Variants in EPHA5 observed in about 807,000 individuals in gnomAD.
EPHA5 encodes EPH receptor A5, also known as ephrin type-A receptor 5.
Under a neutral mutation model 105.0 loss-of-function variants are expected in EPHA5, and 60 were observed. The observed-to-expected ratio is 0.57, with a 90% CI of 0.46 to 0.71. The LOEUF (loss-of-function observed/expected upper bound fraction) is 0.71. Ranked by LOEUF, EPHA5 falls within the 30% of genes least tolerant of loss-of-function variation. The pLI, the probability that EPHA5 is intolerant of heterozygous loss-of-function variation, is 0.00. For missense variants in EPHA5, 1,218 were observed against 1,274.7 expected, an observed-to-expected ratio of 0.96 and a Z score of 0.68; for synonymous variants, 513 against 449.1, an observed-to-expected ratio of 1.14 and a Z score of -1.80.
At chr4:65,330,500 T>C in intron 16 of EPHA5, 2 of 330,222 alleles carry the variant, frequency 6.1e-6, no homozygotes, top group Non-Finnish European at 8.7e-6. Context: ...GAAGCAAAAA[T>C]GTAGTAGATG....
chr4:65,574,488 T>C (rs1369208229), intron 3 of EPHA5, among the ~76,000 whole-genome samples: 2 of 149,110 alleles, frequency 1.3e-5, no homozygotes, highest in Non-Finnish European at 3.0e-5. Flanking sequence ...AATATTTGTG[T>C]AAATAAAAAT....
At chr4:65,557,258 A>ATATATATATATG (rs1297322719) in intron 3 of EPHA5, among the ~76,000 whole-genome samples, 2 of 145,118 alleles carry the variant, frequency 1.4e-5, no homozygotes, top group African/African-American at 5.0e-5. Flanking sequence ...ATATATATAT[A>ATATATATATATG]TTCTCACACT....
chr4:65,645,272 G>A (rs964654058), intron 1 of EPHA5, among the ~76,000 whole-genome samples: 4 of 152,022 alleles, frequency 2.6e-5, no homozygotes, highest in African/African-American at 9.7e-5. Context: ...AATACCAAGG[G>A]GTTGCAGAAC....
chr4:65,512,215 C>T (rs1733691867), intron 3 of EPHA5, among the ~76,000 whole-genome samples: 1 of 152,010 alleles, frequency 6.6e-6, no homozygotes, highest in Non-Finnish European at 1.5e-5. Context: ...GGTAAAAATG[C>T]ACCAAATTCA....
intron 13 of EPHA5, among the ~76,000 whole-genome samples, chr4:65,348,741 G>A (rs1205077600): frequency 2.2e-4 from 22 of 99,442 alleles, no homozygotes; most frequent in Admixed American, 1.9e-3. Flanking sequence ...GTATATATAT[G>A]TGTGTGCATA....
intron 6 of EPHA5, among the ~76,000 whole-genome samples, chr4:65,415,953 A>C (rs929954394): frequency 1.5e-4 from 23 of 152,066 alleles, no homozygotes; most frequent in African/African-American, 4.8e-4. Context: ...TTCTTAATGG[A>C]ATAAACCTGA....
At chr4:65,599,394 T>C (rs1016629018) in intron 3 of EPHA5, among the ~76,000 whole-genome samples, 1 of 150,576 alleles carries the variant, frequency 6.6e-6, no homozygotes, top group Non-Finnish European at 1.5e-5. Context: ...CATGTACTTA[T>C]TGTGTACAGA....
At chr4:65,660,417 C>T (rs1749456954) in intron 1 of EPHA5, among the ~76,000 whole-genome samples, 1 of 152,038 alleles carries the variant, frequency 6.6e-6, no homozygotes, top group Admixed American at 6.6e-5. Context: ...GTTTTCCAAG[C>T]CTAGATTCCT....
chr4:65,391,864 T>C (rs1325890066), intron 8 of EPHA5, among the ~76,000 whole-genome samples: 9 of 152,200 alleles, frequency 5.9e-5, no homozygotes, highest in Admixed American at 3.9e-4. Flanking sequence ...CATTTGATTC[T>C]TTACTTAAAT....
Position 65,320,065 on chromosome 4 carries a change from T to C in EPHA5, c.*4049A>G, listed in dbSNP as rs1472489579. ...CAGACTTTTTTTCTTTTAAAAGAAT[T>C]GGTATCTTCTTCTAAGCAATGATTA... is the stretch of plus-strand genomic sequence containing the variant. On this transcript the variant is annotated 3_prime_UTR_variant, in exon 17 of 17. Coordinates refer to ENST00000613740, the MANE Select transcript of EPHA5 (RefSeq NM_001281766.3). 1.3e-5 allele frequency: 3 copies of C among 230,290 alleles called. No individual in the cohort carries two copies. The highest frequency in any genetic ancestry group is 2.6e-5 in the Non-Finnish European group (3 of 116,168). The allele number at this position is 230,290 out of a possible 1,614,324, so 14.3% of individuals were successfully genotyped here.
intron 5 of EPHA5, among the ~76,000 whole-genome samples, chr4:65,444,081 T>C (rs867689272): frequency 1.3e-5 from 2 of 152,200 alleles, no homozygotes; most frequent in African/African-American, 4.8e-5. Flanking sequence ...TGTGTACTTA[T>C]ATAGTAATTT....
At chr4:65,639,158 G>A (rs1747418755) in intron 2 of EPHA5, among the ~76,000 whole-genome samples, 1 of 152,102 alleles carries the variant, frequency 6.6e-6, no homozygotes, top group South Asian at 2.1e-4. Context: ...TTTCCCTATG[G>A]AAATGAAGTA....
At chr4:65,458,014 C>T (rs1727765693) in intron 5 of EPHA5, among the ~76,000 whole-genome samples, 1 of 130,016 alleles carries the variant, frequency 7.7e-6, no homozygotes, top group African/African-American at 3.0e-5. Flanking sequence ...GCGGAACTTG[C>T]AGTGAGCCGA....
chr4:65,661,618 T>G (rs1362462189), intron 1 of EPHA5, among the ~76,000 whole-genome samples: 1 of 152,132 alleles, frequency 6.6e-6, no homozygotes, highest in Non-Finnish European at 1.5e-5. Context: ...GCAGTCAGCC[T>G]CACCTTTTCT....
chr4:65,466,731 G>C (rs1449035813), intron 5 of EPHA5, among the ~76,000 whole-genome samples: 2 of 152,270 alleles, frequency 1.3e-5, no homozygotes, highest in South Asian at 4.1e-4. Flanking sequence ...AGGAGAAAAA[G>C]CATCAAAAGT....
intron 1 of EPHA5, among the ~76,000 whole-genome samples, chr4:65,648,342 G>A (rs2149523592): frequency 6.6e-6 from 1 of 152,224 alleles, no homozygotes; most frequent in East Asian, 1.9e-4. Flanking sequence ...CTATGAGCAG[G>A]AAAATGTATT....
At chr4:65,442,374 A>G (rs35600118) in intron 5 of EPHA5, among the ~76,000 whole-genome samples, 40,223 of 152,092 alleles carry the variant, frequency 0.26, 6,242 homozygotes, top group Middle Eastern at 0.4. Flanking sequence ...AACCAGTAAG[A>G]GAACTCTCAC....
At chr4:65,431,218 C>T (rs1724940784) in intron 5 of EPHA5, among the ~76,000 whole-genome samples, 2 of 152,102 alleles carry the variant, frequency 1.3e-5, no homozygotes, top group South Asian at 4.1e-4. Context: ...TTGAGAAATG[C>T]CCTGCATGCT....
At chr4:65,431,933 G>A (rs1482648607) in intron 5 of EPHA5, among the ~76,000 whole-genome samples, 1 of 151,922 alleles carries the variant, frequency 6.6e-6, no homozygotes, top group African/African-American at 2.4e-5. Flanking sequence ...CAATGAAACA[G>A]GAAAGTGGTA....
Sources: gnomAD v4.1 joint callset for allele counts (sites outside exome capture counted in the v4.1 genomes callset) on GRCh38, gnomAD v4.1.1 for gene constraint, MANE v1.5 for transcripts, NCBI Gene and HGNC (gene_info 2026-07-23, HGNC 2026-07-21) for gene names.